The following PELI1 variants were observed in gnomAD, a reference collection of about 807,000 sequenced individuals.
PELI1 encodes E3 ubiquitin-protein ligase pellino homolog 1.
PELI1 carries 15 observed loss-of-function variants against 41.3 expected under a neutral mutation model. That is an observed-to-expected ratio of 0.36 (90% CI 0.24 to 0.56). The LOEUF is 0.56. Among genes scored for constraint, PELI1 ranks in the 20% least tolerant of loss-of-function variants. The pLI, the probability that PELI1 is intolerant of heterozygous loss-of-function variation, is 0.82. For synonymous variants in PELI1, 178 were observed against 180.1 expected (o/e 0.99, Z 0.09); for missense variants, 403 against 525.5 (o/e 0.77, Z 2.28).
intron 1 of PELI1, among the ~76,000 whole-genome samples, chr2:64,119,317 C>G (rs1485425722): frequency 2.0e-5 from 3 of 152,166 alleles, no homozygotes. Context: ...CCTTTGCAAG[C>G]TTACTTTAAC....
chr2:64,098,025 T>G lies in PELI1; in HGVS notation c.304-1415A>C, dbSNP rs547249389. 9.7e-4 allele frequency among the ~76,000 whole-genome samples: 148 copies of G among 152,210 alleles called. No individual in the cohort carries two copies. In the Middle Eastern group the frequency reaches 0.01, roughly 10 times the overall value. On this transcript the variant is annotated intron_variant, in intron 4 of 6. Coordinates refer to ENST00000358912, the MANE Select transcript of PELI1 (RefSeq NM_020651.4). ...CCAAGGATTGAACTAATATTCAGAATCAACAGAAGTAGCACTTATTTGGAA... is the reference window on the plus strand; with the variant it reads ...CCAAGGATTGAACTAATATTCAGAAGCAACAGAAGTAGCACTTATTTGGAA...
chr2:64,099,165 T>TACAC (rs70965174), intron 4 of PELI1, among the ~76,000 whole-genome samples: 40,475 of 144,694 alleles, frequency 0.28, 5,593 homozygotes, highest in East Asian at 0.53. Flanking sequence ...ATCTTGGAGA[T>TACAC]ACACACACAC....
intron 4 of PELI1, among the ~76,000 whole-genome samples, chr2:64,098,083 G>A (rs1680304492): frequency 6.6e-6 from 1 of 152,100 alleles, no homozygotes; most frequent in African/African-American, 2.4e-5. Context: ...CATTTCAACT[G>A]GGTCTTGGAA....
chr2:64,143,879 CA>C (rs1273470405), intron 1 of PELI1, among the ~76,000 whole-genome samples: 96 of 151,778 alleles, frequency 6.3e-4, no homozygotes, highest in Non-Finnish European at 1.8e-4. Flanking sequence ...CGGTTCCTGA[CA>C]AAGGCGCTTC....
At chr2:64,139,690 G>A (rs1353245125) in intron 1 of PELI1, among the ~76,000 whole-genome samples, 1 of 152,228 alleles carries the variant, frequency 6.6e-6, no homozygotes, top group Non-Finnish European at 1.5e-5. Context: ...TAGTCTATGA[G>A]GTATCAGCAT....
At chr2:64,139,722 G>A (rs570429478) in intron 1 of PELI1, among the ~76,000 whole-genome samples, 165 of 152,266 alleles carry the variant, frequency 1.1e-3, no homozygotes, top group African/African-American at 3.9e-3. Context: ...ACATGTAAAC[G>A]GCATCAATAA....
intron 1 of PELI1, among the ~76,000 whole-genome samples, chr2:64,136,411 A>C (rs530775608): frequency 2.4e-4 from 36 of 152,328 alleles, no homozygotes; most frequent in East Asian, 1.5e-3. Flanking sequence ...ATCTACACAC[A>C]CTAAAGGGAC....
Position 64,094,828 on chromosome 2 carries a change from G to C in PELI1, c.1131C>G (p.Ala377=), listed in dbSNP as rs1191217033. The C allele has an allele frequency of 6.2e-7, 1 of 1,614,184 alleles. No homozygotes were observed. Among genetic ancestry groups the C allele is most frequent in the Admixed American group, 1.7e-5 (1 of 60,026 alleles). The part of the protein sequence containing the change: ...CGHVCSEKTT[A]YWSQIPLPHG... ...GAGGAAGTGGGATCTGGGACCAATAGGCAGTTGTCTTTTCTGAACACACAT... is the reference window on the plus strand; with the variant it reads ...GAGGAAGTGGGATCTGGGACCAATACGCAGTTGTCTTTTCTGAACACACAT... Residue 377 remains alanine (A), a synonymous_variant, in exon 7 of 7, where the codon GCC becomes GCG. Coordinates refer to ENST00000358912, the MANE Select transcript of PELI1 (RefSeq NM_020651.4).
intron 1 of PELI1, among the ~76,000 whole-genome samples, chr2:64,123,213 CA>C (rs1681280237): frequency 6.6e-6 from 1 of 152,174 alleles, no homozygotes; most frequent in African/African-American, 2.4e-5. Context: ...GAAAATCAGA[CA>C]AAAATTTAAT....
intron 3 of PELI1, among the ~76,000 whole-genome samples, chr2:64,101,677 T>C (rs959962516): frequency 6.6e-6 from 1 of 152,172 alleles, no homozygotes; most frequent in Admixed American, 6.5e-5. Context: ...TAATCTGTAA[T>C]AGATAAAGCC....
intron 1 of PELI1, among the ~76,000 whole-genome samples, chr2:64,109,536 C>T (rs1020392084): frequency 2.0e-5 from 3 of 151,898 alleles, no homozygotes; most frequent in Non-Finnish European, 4.4e-5. Context: ...CAAAATTAGC[C>T]GGGCGTGGTG....
rs139947204 is a variant in PELI1, at chr2:64,116,214, C to T, written c.-69-7835G>A. The stretch of plus-strand genomic sequence containing the variant: ...CTTACCCACAAATAATCACTTAATT[C>T]TCCACACCTAGAAAATACATTTTTA... On this transcript the variant is annotated intron_variant, in intron 1 of 6. Transcript: ENST00000358912. Among the ~76,000 whole-genome samples the T allele has an allele frequency of 3.0e-4, 46 of 152,276 alleles. No individual in the cohort carries two copies. In the East Asian group the frequency reaches 8.3e-3, roughly 27 times the overall value.
intron 4 of PELI1, among the ~76,000 whole-genome samples, chr2:64,099,584 A>G (rs1349608517): frequency 1.3e-5 from 2 of 152,196 alleles, no homozygotes; most frequent in African/African-American, 4.8e-5. Flanking sequence ...ATATTTCACT[A>G]TTGACTGAAA....
intron 1 of PELI1, among the ~76,000 whole-genome samples, chr2:64,131,463 TTTA>T (rs1681554377): frequency 6.6e-6 from 1 of 152,148 alleles, no homozygotes; most frequent in South Asian, 2.1e-4. Context: ...ATTGTTATTT[TTTA>T]TTATATTTGT....
chr2:64,112,226 A>G (rs1653867878), intron 1 of PELI1, among the ~76,000 whole-genome samples: 1 of 152,210 alleles, frequency 6.6e-6, no homozygotes, highest in South Asian at 2.1e-4. Context: ...TCACATGGCT[A>G]GCAAGTATTA....
chr2:64,111,228 G>A (rs1172775614), intron 1 of PELI1, among the ~76,000 whole-genome samples: 1 of 152,096 alleles, frequency 6.6e-6, no homozygotes, highest in Non-Finnish European at 1.5e-5. Context: ...TTTTTCTACA[G>A]TACAATGAAA....
chr2:64,140,743 A>G (rs1035993035), intron 1 of PELI1, among the ~76,000 whole-genome samples: 1 of 141,234 alleles, frequency 7.1e-6, no homozygotes, highest in Non-Finnish European at 1.5e-5. Flanking sequence ...AGTTATTTTC[A>G]GCCTTTGAAG....
At chr2:64,116,222 C>T (rs1680986849) in intron 1 of PELI1, among the ~76,000 whole-genome samples, 1 of 152,126 alleles carries the variant, frequency 6.6e-6, no homozygotes, top group African/African-American at 2.4e-5. Flanking sequence ...TTCTCCACAC[C>T]TAGAAAATAC....
chr2:64,104,921 CAATT>C, intron 2 of PELI1, 91 bp from the exon 3 acceptor site: 1 of 1,053,826 alleles, frequency 9.5e-7, no homozygotes, highest in Non-Finnish European at 1.4e-6. Context: ...AATCAATTCC[CAATT>C]AATTATCTAT....
Sources: allele counts gnomAD v4.1 joint callset (sites outside exome capture counted in the v4.1 genomes callset), GRCh38; gene constraint gnomAD v4.1.1; transcripts MANE v1.5; gene names NCBI Gene and HGNC (gene_info 2026-07-23, HGNC 2026-07-21).